The following ADCY10 variants were observed in gnomAD, a reference collection of about 807,000 sequenced individuals.
The protein encoded by ADCY10 is adenylate cyclase type 10.
ADCY10 carries 156 observed loss-of-function variants against 183.3 expected under a neutral mutation model. The observed-to-expected ratio is 0.85, with a 90% CI of 0.75 to 0.97. ADCY10 has a LOEUF of 0.97. ADCY10 is among the 50% of genes least tolerant of loss of function. The probability of loss-of-function intolerance (pLI) is 0.00; values close to 1 mark genes in which losing one functional copy is unlikely to be tolerated. For synonymous variants in ADCY10, 645 were observed against 670.0 expected (o/e 0.96, Z 0.58); for missense variants, 1,745 against 1,934.3 (o/e 0.90, Z 1.84).
intron 29 of ADCY10, 64 bp downstream of exon 29, chr1:167,822,944 C>G: frequency 7.0e-7 from 1 of 1,419,038 alleles, no homozygotes; most frequent in Non-Finnish European, 1.0e-6. Context: ...CTGAGAGCTG[C>G]CACACCACAC....
At position 167,845,871 on chromosome 1, in the gene ADCY10, G is replaced by A; in HGVS notation, c.2717-18C>T. ...ACCGTGATCTGGAGAGAGCAAAAAGGGTTTTTCAGCCAGGCAGTGGGCAAC... is the reference window on the plus strand; with the variant it reads ...ACCGTGATCTGGAGAGAGCAAAAAGAGTTTTTCAGCCAGGCAGTGGGCAAC... On this transcript the variant is annotated intron_variant, in intron 20 of 32. Coordinates refer to ENST00000367851, the MANE Select transcript of ADCY10 (RefSeq NM_018417.6). 1.2e-6 allele frequency: 2 copies of A among 1,614,018 alleles called. No individual in the cohort carries two copies. The highest frequency in any genetic ancestry group is 1.7e-6 in the Non-Finnish European group (2 of 1,180,020).
chr1:167,832,137 C>G (rs2101898564), intron 25 of ADCY10, among the ~76,000 whole-genome samples: 2 of 152,302 alleles, frequency 1.3e-5, no homozygotes, highest in Middle Eastern at 3.4e-3. Context: ...ATGTTTGTAT[C>G]TTAGGCAGAA....
At chr1:167,850,662 C>CAT (rs3220456) in intron 18 of ADCY10, among the ~76,000 whole-genome samples, 51 of 87,922 alleles carry the variant, frequency 5.8e-4, no homozygotes, top group Non-Finnish European at 7.3e-4. Context: ...AAAAGGGGGC[C>CAT]GTGTGTGTGT....
chr1:167,814,690 G>C (rs1272880291), intron 31 of ADCY10, among the ~76,000 whole-genome samples: 1 of 152,034 alleles, frequency 6.6e-6, no homozygotes, highest in South Asian at 2.1e-4. Context: ...GTATAGAGTT[G>C]TTGTTTGACA....
chr1:167,819,828 G>A (rs1418143723), intron 30 of ADCY10: 5 of 654,702 alleles, frequency 7.6e-6, no homozygotes, highest in Non-Finnish European at 1.4e-5. Flanking sequence ...GCCTCCCAAA[G>A]TGCTGGGATT....
At chr1:167,898,593 CGT>C (rs1491403587) in intron 6 of ADCY10, among the ~76,000 whole-genome samples, 1 of 38,982 alleles carries the variant, frequency 2.6e-5, no homozygotes, top group African/African-American at 7.4e-5. Flanking sequence ...AGCGAGACTC[CGT>C]TTTTTTTTTT....
At chr1:167,832,364 A>T (rs1663801314) in intron 25 of ADCY10, among the ~76,000 whole-genome samples, 1 of 152,210 alleles carries the variant, frequency 6.6e-6, no homozygotes, top group Non-Finnish European at 1.5e-5. Context: ...ACAACTAGCA[A>T]CATGCTTATT....
chr1:167,869,441 G>T (rs898918938), intron 14 of ADCY10, among the ~76,000 whole-genome samples: 3 of 152,256 alleles, frequency 2.0e-5, no homozygotes, highest in Non-Finnish European at 4.4e-5. Context: ...GGAAGAGAGA[G>T]ACCCTCTCAT....
chr1:167,894,687 G>T (rs1488147073), intron 7 of ADCY10, among the ~76,000 whole-genome samples: 1 of 152,076 alleles, frequency 6.6e-6, no homozygotes, highest in Non-Finnish European at 1.5e-5. Flanking sequence ...AACCATAACT[G>T]TAAGTGTAGC....
At chr1:167,906,324 G>A (rs1481177945) in intron 1 of ADCY10, among the ~76,000 whole-genome samples, 1 of 150,972 alleles carries the variant, frequency 6.6e-6, no homozygotes, top group Non-Finnish European at 1.5e-5. Context: ...AAACTCAAAT[G>A]TTAAGAAGTG....
intron 18 of ADCY10, 62 bp downstream of exon 18, chr1:167,854,286 CCTTCT>C: frequency 3.7e-6 from 6 of 1,607,014 alleles, no homozygotes; most frequent in Non-Finnish European, 5.1e-6. Context: ...ATTTTTGCTA[CCTTCT>C]CTGAATGAAG....
At chr1:167,860,074 T>C (rs1189515448) in intron 15 of ADCY10, among the ~76,000 whole-genome samples, 181 bp from the exon 16 acceptor site, 1 of 152,186 alleles carries the variant, frequency 6.6e-6, no homozygotes, top group African/African-American at 2.4e-5. Context: ...TTTCATGAAC[T>C]GCGGCAGAGG....
intron 31 of ADCY10, among the ~76,000 whole-genome samples, chr1:167,815,060 G>A (rs551768759): frequency 3.5e-4 from 53 of 152,220 alleles, no homozygotes; most frequent in African/African-American, 1.3e-3. Context: ...AGGAGACGGA[G>A]GTTGCAGTGA....
chr1:167,875,378 G>C (rs970856268), intron 12 of ADCY10, among the ~76,000 whole-genome samples, 192 bp from the exon 13 acceptor site: 7 of 152,178 alleles, frequency 4.6e-5, no homozygotes, highest in African/African-American at 1.4e-4. Flanking sequence ...AGAATCCAAA[G>C]AACTCAGGTA....
chr1:167,853,869 C>T (rs1316154601), intron 18 of ADCY10, among the ~76,000 whole-genome samples: 1 of 87,974 alleles, frequency 1.1e-5, no homozygotes. Flanking sequence ...GACAGAGTCT[C>T]ACTCTGTTGC....
chr1:167,821,111 G>C (rs770598825), intron 30 of ADCY10: 1 of 152,208 alleles, frequency 6.6e-6, no homozygotes, highest in Non-Finnish European at 1.5e-5. Flanking sequence ...TTTCAGTCTT[G>C]GGGATAGTCA....
intron 8 of ADCY10, among the ~76,000 whole-genome samples, chr1:167,891,581 G>T (rs6666469): frequency 6.6e-6 from 1 of 150,746 alleles, no homozygotes; most frequent in African/African-American, 2.4e-5. Context: ...GCATGAACCC[G>T]GGAGGCGGAG....
At position 167,830,617 on chromosome 1, in the gene ADCY10, C is replaced by A. The variant is rs530160456; in HGVS notation, c.3594-1194G>T. ...CCATGTTGGCCAGGCTGGTCCTGAA[C>A]CCCTGACCTCAGGTGATCCGCCTGC... On this transcript the variant is annotated intron_variant, in intron 25 of 32. Transcript: ENST00000367851. Among the ~76,000 whole-genome samples, 4 of 152,270 alleles carry A rather than the reference C, an allele frequency of 2.6e-5. No individual in the cohort carries two copies. In the South Asian group the frequency reaches 8.3e-4, roughly 32 times the overall value.
intron 19 of ADCY10, 58 bp from the exon 20 acceptor site, chr1:167,846,321 G>A (rs574275118): frequency 1.3e-6 from 2 of 1,582,376 alleles, no homozygotes; most frequent in African/African-American, 1.3e-5. Context: ...CTAATATGCT[G>A]TATTTAATAT....
Sources: gnomAD v4.1 joint callset for allele counts (sites outside exome capture counted in the v4.1 genomes callset) on GRCh38, gnomAD v4.1.1 for gene constraint, MANE v1.5 for transcripts, NCBI Gene and HGNC (gene_info 2026-07-23, HGNC 2026-07-21) for gene names.